The following GBF1 variants were observed in gnomAD, a reference collection of about 807,000 sequenced individuals.
GBF1 encodes the protein golgi brefeldin A resistant guanine nucleotide exchange factor 1.
GBF1 carries 114 observed loss-of-function variants against 210.5 expected under a neutral mutation model. The ratio of observed to expected loss-of-function variants is 0.54; its 90% CI spans 0.47 to 0.63. The LOEUF (loss-of-function observed/expected upper bound fraction) is 0.63. GBF1 is among the 30% of genes least tolerant of loss of function. GBF1 has a pLI of 0.00. For missense variants in GBF1, 1,851 were observed against 2,357.7 expected (o/e 0.79, Z 4.45); for synonymous variants, 850 against 889.2 (o/e 0.96, Z 0.78).
At chr10:102,330,962 G>A (rs1565118467) in intron 3 of GBF1, among the ~76,000 whole-genome samples, 1 of 152,054 alleles carries the variant, frequency 6.6e-6, no homozygotes, top group African/African-American at 2.4e-5. Context: ...TTTTGAAAGT[G>A]GAGGCTAAAT....
At chr10:102,333,926 A>G (rs1056316051) in intron 3 of GBF1, among the ~76,000 whole-genome samples, 1 of 152,248 alleles carries the variant, frequency 6.6e-6, no homozygotes, top group African/African-American at 2.4e-5. Flanking sequence ...GTACAGATAC[A>G]GACAGAAAAG....
intron 1 of GBF1, among the ~76,000 whole-genome samples, chr10:102,250,412 A>G (rs948646489): frequency 6.6e-6 from 1 of 152,112 alleles, no homozygotes; most frequent in African/African-American, 2.4e-5. Flanking sequence ...CCCAGAGTCC[A>G]GTGGTGTCAT....
At chr10:102,325,174 G>A (rs1438213555) in intron 3 of GBF1, among the ~76,000 whole-genome samples, 2 of 151,948 alleles carry the variant, frequency 1.3e-5, no homozygotes, top group African/African-American at 4.8e-5. Context: ...CCCTAAGTGC[G>A]TTACAGGGAG....
At chr10:102,365,744 C>G (rs759167870) in intron 18 of GBF1, 145 bp downstream of exon 18, 1 of 704,688 alleles carries the variant, frequency 1.4e-6, no homozygotes, top group East Asian at 2.6e-5. Context: ...AACCCTGTCT[C>G]TACAAAAAAT....
chr10:102,357,930 T>A (rs2059385051), intron 8 of GBF1, 109 bp from the exon 9 acceptor site: 1 of 760,062 alleles, frequency 1.3e-6, no homozygotes, highest in African/African-American at 1.7e-5. Flanking sequence ...TTAGCAAAGA[T>A]ATGGGGTATA....
chr10:102,351,881 C>G lies in GBF1; in HGVS notation c.453C>G (p.His151Gln). 6.2e-7 allele frequency: 1 copy of G among 1,611,746 alleles called. No individual in the cohort carries two copies. The part of the protein sequence containing the change: ...RTLLLTPVGA[H>Q]LTNESVCEIM... ...TGCTGCTAACCCCAGTGGGTGCCCA[C>G]CTAACCAATGAATCTGTGTGTGAGA... The change falls in exon 6 of 40, where the codon CAC becomes CAG. Residue 151 changes from histidine (H) to glutamine (Q), a missense_variant. By Grantham distance (24) the His-to-Gln change is conservative. Transcript: ENST00000369983.
intron 1 of GBF1, among the ~76,000 whole-genome samples, chr10:102,247,465 G>A (rs1294493672): frequency 1.3e-5 from 2 of 152,216 alleles, no homozygotes; most frequent in South Asian, 2.1e-4. Context: ...ACCTCAGGAG[G>A]TACCCAGGTT....
chr10:102,235,439 G>A, the GBF1 span, among the ~76,000 whole-genome samples: 3 of 152,116 alleles, frequency 2.0e-5, no homozygotes, highest in Non-Finnish European at 4.4e-5. Context: ...CTAGATTCAC[G>A]TCCTGGCTGT....
chr10:102,335,126 G>A (rs1421908679), intron 3 of GBF1, among the ~76,000 whole-genome samples: 1 of 152,060 alleles, frequency 6.6e-6, no homozygotes, highest in Non-Finnish European at 1.5e-5. Flanking sequence ...AATAATTCTT[G>A]TTGTAATTTG....
the GBF1 span, among the ~76,000 whole-genome samples, chr10:102,238,000 A>C: frequency 2.6e-5 from 4 of 152,176 alleles, no homozygotes; most frequent in Non-Finnish European, 4.4e-5. Context: ...CATGGTGAGC[A>C]TAAAGGGTTG....
chr10:102,305,175 TTGTG>T (rs60026956), intron 3 of GBF1, among the ~76,000 whole-genome samples: 60,358 of 139,458 alleles, frequency 0.43, 12,924 homozygotes, highest in East Asian at 0.61. Context: ...ATATGCAGAT[TTGTG>T]TGTGTGTGTG....
intron 3 of GBF1, among the ~76,000 whole-genome samples, chr10:102,287,044 G>T (rs1232003847): frequency 6.6e-6 from 1 of 152,162 alleles, no homozygotes; most frequent in Non-Finnish European, 1.5e-5. Context: ...CCCTCCAGTG[G>T]AGCCCCTTCT....
intron 3 of GBF1, among the ~76,000 whole-genome samples, chr10:102,294,366 A>G (rs2076734244): frequency 6.8e-6 from 1 of 146,810 alleles, no homozygotes; most frequent in South Asian, 2.2e-4. Flanking sequence ...CAGGGTTGCC[A>G]TTTTCTTTTT....
intron 3 of GBF1, among the ~76,000 whole-genome samples, chr10:102,286,120 T>C (rs1033703553): frequency 2.6e-5 from 4 of 152,068 alleles, no homozygotes; most frequent in Admixed American, 1.3e-4. Context: ...AACAAGGCTT[T>C]ATAGTGAGGT....
chr10:102,345,573 G>A (rs1292352238), intron 4 of GBF1, among the ~76,000 whole-genome samples: 1 of 149,110 alleles, frequency 6.7e-6, no homozygotes, highest in Non-Finnish European at 1.5e-5. Context: ...CTTGAACCCG[G>A]GAGGCGGAAG....
intron 3 of GBF1, among the ~76,000 whole-genome samples, chr10:102,270,658 T>G (rs1231469972): frequency 6.6e-6 from 1 of 152,222 alleles, no homozygotes; most frequent in African/African-American, 2.4e-5. Flanking sequence ...TACTTCAGCA[T>G]GAATCCTAAA....
At chr10:102,367,456 A>C (rs1565170174) in intron 20 of GBF1, 22 bp from the exon 21 acceptor site, 1 of 1,544,018 alleles carries the variant, frequency 6.5e-7, no homozygotes, top group South Asian at 1.1e-5. Flanking sequence ...CAAGGGGAAA[A>C]AACTTACTGG....
At chr10:102,377,568 T>C (rs1007323126) in intron 33 of GBF1, among the ~76,000 whole-genome samples, 3 of 152,102 alleles carry the variant, frequency 2.0e-5, no homozygotes, top group African/African-American at 4.8e-5. Flanking sequence ...TTGGCCAGGA[T>C]GGCCTTGATC....
chr10:102,349,565 C>G (rs574268811), intron 4 of GBF1, among the ~76,000 whole-genome samples: 1 of 152,016 alleles, frequency 6.6e-6, no homozygotes, highest in Admixed American at 6.6e-5. Flanking sequence ...GAAAAAATAA[C>G]AACAATCTTA....
Sources: gnomAD v4.1 joint callset for allele counts (sites outside exome capture counted in the v4.1 genomes callset) on GRCh38, gnomAD v4.1.1 for gene constraint, MANE v1.5 for transcripts, NCBI Gene and HGNC (gene_info 2026-07-23, HGNC 2026-07-21) for gene names.